The following CNPY1 variants were observed in gnomAD, a reference collection of about 807,000 sequenced individuals.
CNPY1 encodes canopy FGF signaling regulator 1.
In CNPY1, 14 loss-of-function variants were observed where a neutral mutation model predicts 14.4. The observed-to-expected ratio is 0.97, with a 90% confidence interval of 0.64 to 1.52. CNPY1 has a LOEUF of 1.52. Ranked by LOEUF, CNPY1 falls within the 40% of genes most tolerant of loss-of-function variation. CNPY1 has a pLI of 0.00. For synonymous variants in CNPY1, 43 were observed against 46.5 expected, an observed-to-expected ratio of 0.92 and a Z score of 0.31; for missense variants, 129 against 131.5, an observed-to-expected ratio of 0.98 and a Z score of 0.09.
intron 2 of CNPY1, chr7:155,510,600 A>C (rs1796507872): frequency 6.6e-6 from 1 of 152,182 alleles, no homozygotes; most frequent in African/African-American, 2.4e-5. Flanking sequence ...ATATACCACC[A>C]CACGTATCTA....
At chr7:155,538,836 G>A (rs1427811376) in intron 2 of CNPY1, among the ~76,000 whole-genome samples, 1 of 152,180 alleles carries the variant, frequency 6.6e-6, no homozygotes, top group Non-Finnish European at 1.5e-5. Context: ...TTCACTCTCT[G>A]AGACGTGGCG....
chr7:155,509,402 T>C (rs1241527278), intron 2 of CNPY1, among the ~76,000 whole-genome samples: 2 of 152,118 alleles, frequency 1.3e-5, no homozygotes, highest in Non-Finnish European at 1.5e-5. Context: ...TAGAAATCAC[T>C]GAGCATGTAG....
rs1243541641 is a variant in CNPY1 at position 155,536,245 on chromosome 7, A to T, written c.99+9586T>A. The stretch of plus-strand genomic sequence containing the variant: ...GTCCCCAGGGAAGGGGAGGCTGTGG[A>T]TGACTGATCACCCACTGCAGCAGAC... On this transcript the variant is annotated intron_variant, in intron 2 of 4. Transcript: ENST00000636446. The surrounding 1 kb of genome is among the most constrained non-coding windows in gnomAD (Gnocchi z 4.1). 6.6e-6 allele frequency among the ~76,000 whole-genome samples: 1 copy of T among 152,100 alleles called. No individual in the cohort carries two copies. The highest frequency in any genetic ancestry group is 1.5e-5 in the Non-Finnish European group (1 of 68,012).
At chr7:155,539,860 T>C (rs1485513361) in intron 2 of CNPY1, among the ~76,000 whole-genome samples, 1 of 152,102 alleles carries the variant, frequency 6.6e-6, no homozygotes, top group Non-Finnish European at 1.5e-5. Context: ...GAGAAAGGAA[T>C]GGACGCAGGA....
chr7:155,525,225 G>C (rs145643918), intron 2 of CNPY1, among the ~76,000 whole-genome samples: 46 of 152,152 alleles, frequency 3.0e-4, no homozygotes, highest in Non-Finnish European at 4.6e-4. Flanking sequence ...TTCTTGCCCA[G>C]ACTGTAGTGC....
chr7:155,541,408 G>A (rs1797082743), intron 2 of CNPY1, among the ~76,000 whole-genome samples: 1 of 152,200 alleles, frequency 6.6e-6, no homozygotes, highest in African/African-American at 2.4e-5. Context: ...CTAAACAGCT[G>A]CCCCTTCCAT....
chr7:155,527,030 T>TTTTCTTTCTTTCTTTCTTTCTTTC lies in CNPY1; in HGVS notation c.100-17957_100-17934dup, dbSNP rs1554449557. Reference sequence around the variant, plus strand: ...TAGGCAGCCATGCTTTTCTTTTCTTTTTTCTTTCTTTCTTTCTTTCTTTCT... The same window carrying TTTTCTTTCTTTCTTTCTTTCTTTC: ...TAGGCAGCCATGCTTTTCTTTTCTTTTTTCTTTCTTTCTTTCTTTCTTTCTTTCTTTCTTTCTTTCTTTCTTTCT... On this transcript the variant is annotated intron_variant, in intron 2 of 4. Transcript: ENST00000636446. 1.5e-3 allele frequency among the ~76,000 whole-genome samples: 121 copies of TTTTCTTTCTTTCTTTCTTTCTTTC among 83,250 alleles called. 4 individuals carry two copies. Among genetic ancestry groups the TTTTCTTTCTTTCTTTCTTTCTTTC allele is most frequent in the Middle Eastern group, 7.0e-3 (1 of 142 alleles). 54.6% of individuals were successfully genotyped at this position (83,250 alleles called of 152,430 possible).
At chr7:155,505,832 C>T (rs1268302709) in intron 4 of CNPY1, among the ~76,000 whole-genome samples, 1 of 152,156 alleles carries the variant, frequency 6.6e-6, no homozygotes, top group African/African-American at 2.4e-5. Flanking sequence ...TAGTATATCT[C>T]CCACATCAAA....
At chr7:155,531,242 T>C (rs1489451107) in intron 2 of CNPY1, among the ~76,000 whole-genome samples, 1 of 152,234 alleles carries the variant, frequency 6.6e-6, no homozygotes, top group Non-Finnish European at 1.5e-5. Context: ...CTCCTCTAGC[T>C]GTTCACAGGC....
chr7:155,519,260 G>C (rs984886194), intron 2 of CNPY1, among the ~76,000 whole-genome samples: 3 of 151,682 alleles, frequency 2.0e-5, no homozygotes, highest in Non-Finnish European at 3.0e-5. Flanking sequence ...GTAGTGGCTC[G>C]TGCCTGTAAT....
chr7:155,527,047 TTTCTTTC>T (rs1385072323), intron 2 of CNPY1, among the ~76,000 whole-genome samples: 9 of 64,366 alleles, frequency 1.4e-4, no homozygotes, highest in African/African-American at 4.9e-4. Flanking sequence ...TCTTTCTTTC[TTTCTTTC>T]TTTTTTTTTT....
Position 155,507,031 on chromosome 7 carries a change from C to G in CNPY1, c.389G>C (p.Ser130Thr), listed in dbSNP as rs779011022. ...ETHYLADKLC[S>T]EKSDLCETSA... Reference sequence around the variant, plus strand: ...ATCAGACACAGTACCTGATTTTTCACTGCACAGCTTGTCAGCTAGATAGTG... The same window carrying G: ...ATCAGACACAGTACCTGATTTTTCAGTGCACAGCTTGTCAGCTAGATAGTG... The change falls in exon 4 of 5, where the codon AGT becomes ACT. Residue 130 changes from serine (S) to threonine (T), a missense_variant. Coordinates refer to ENST00000636446, the MANE Select transcript of CNPY1 (RefSeq NM_001393663.1). 5 of 1,608,700 alleles carry G rather than the reference C, an allele frequency of 3.1e-6. No individual in the cohort carries two copies. In the South Asian group the frequency reaches 5.5e-5, roughly 18 times the overall value.
chr7:155,539,999 T>C (rs1030662726), intron 2 of CNPY1, among the ~76,000 whole-genome samples: 7 of 152,156 alleles, frequency 4.6e-5, no homozygotes, highest in Non-Finnish European at 1.0e-4. Context: ...TCCAGGGTCA[T>C]CACTTTGAGC....
intron 2 of CNPY1, among the ~76,000 whole-genome samples, chr7:155,528,960 C>T (rs1796885457): frequency 6.6e-6 from 1 of 151,902 alleles, no homozygotes; most frequent in South Asian, 2.1e-4. Flanking sequence ...ACTTGGGAAG[C>T]TGAGGCAGGA....
At chr7:155,526,514 C>T (rs1563093074) in intron 2 of CNPY1, among the ~76,000 whole-genome samples, 1 of 152,040 alleles carries the variant, frequency 6.6e-6, no homozygotes, top group Non-Finnish European at 1.5e-5. Context: ...GAGTTACTAT[C>T]CCCACATTCA....
intron 3 of CNPY1, 40 bp from the exon 4 acceptor site, chr7:155,507,156 A>C (rs755878413): frequency 7.9e-6 from 10 of 1,264,624 alleles, no homozygotes; most frequent in Non-Finnish European, 3.5e-6. Context: ...ATAGACGCAC[A>C]CTGGCGGGGC....
At chr7:155,511,682 C>T (rs1445403081) in intron 2 of CNPY1, among the ~76,000 whole-genome samples, 2 of 152,096 alleles carry the variant, frequency 1.3e-5, no homozygotes, top group African/African-American at 4.8e-5. Context: ...TTAGAGTAAA[C>T]ATTCTTTAAA....
intron 3 of CNPY1, among the ~76,000 whole-genome samples, chr7:155,508,142 A>G (rs1237396924): frequency 6.6e-6 from 1 of 152,238 alleles, no homozygotes; most frequent in African/African-American, 2.4e-5. Context: ...TACATTTTTT[A>G]AAACAGGACT....
intron 2 of CNPY1, among the ~76,000 whole-genome samples, chr7:155,529,928 G>A (rs1165410124): frequency 2.0e-5 from 3 of 152,116 alleles, no homozygotes; most frequent in African/African-American, 2.4e-5. Flanking sequence ...GATTACGGGC[G>A]CCTGCCACCA....
Sources: allele counts gnomAD v4.1 joint callset (sites outside exome capture counted in the v4.1 genomes callset), GRCh38; gene constraint gnomAD v4.1.1; non-coding constraint Gnocchi (gnomAD v3.1); transcripts MANE v1.5; gene names NCBI Gene and HGNC (gene_info 2026-07-23, HGNC 2026-07-21).